FRMD8: variants seen among roughly 807,000 people sequenced by gnomAD.
FRMD8 encodes FERM domain containing 8, also known as FERM domain-containing protein 8.
A neutral mutation model predicts 54.2 loss-of-function variants in FRMD8; 37 were observed. The observed-to-expected ratio is 0.68, with a 90% CI of 0.53 to 0.90. The LOEUF is 0.90. Among genes scored for constraint, FRMD8 ranks in the 40% least tolerant of loss-of-function variants. The pLI is 0.00. For synonymous variants in FRMD8, 246 were observed against 286.9 expected, an observed-to-expected ratio of 0.86 and a Z score of 1.44; for missense variants, 585 against 653.7, an observed-to-expected ratio of 0.89 and a Z score of 1.15.
upstream of FRMD8, chr11:65,381,812 C>T (rs184560029): frequency 1.4e-4 from 207 of 1,446,158 alleles, 1 homozygote; most frequent in Admixed American, 1.5e-3. Context: ...CCCGCCAGGC[C>T]GGAACTCAGA....
chr11:65,382,528 A>ACTCCC (rs1855629326), upstream of FRMD8: 1 of 153,718 alleles, frequency 6.5e-6, no homozygotes, highest in Non-Finnish European at 1.4e-5. This position sits in a 1 kb window ranked among gnomAD's most constrained non-coding sequence, Gnocchi z 4.4. Context: ...GACTCCCCCG[A>ACTCCC]CTCCCCCGTG....
intron 10 of FRMD8, among the ~76,000 whole-genome samples, chr11:65,408,383 G>A (rs935190880): frequency 1.1e-4 from 16 of 151,822 alleles, no homozygotes; most frequent in African/African-American, 3.9e-4. Context: ...CCTAGAATAA[G>A]TTTTATAATC....
At chr11:65,379,688 G>T in the FRMD8 span, 1 of 1,252,104 alleles carries the variant, frequency 8.0e-7, no homozygotes, top group South Asian at 1.5e-5. Flanking sequence ...GTGGGGACAG[G>T]CAGGGATGGG....
At chr11:65,386,910 C>T (rs1318735807) in intron 1 of FRMD8, 127 bp from the exon 2 acceptor site, 2 of 811,492 alleles carry the variant, frequency 2.5e-6, no homozygotes, top group Non-Finnish European at 4.0e-6. Context: ...TTGGCCCCTC[C>T]AGGCAGCGCC....
the FRMD8 span, chr11:65,380,196 T>C: frequency 6.2e-7 from 1 of 1,614,120 alleles, no homozygotes. Flanking sequence ...AAGAGGGTGC[T>C]ATGAGTGAGG....
At chr11:65,374,080 G>A in the FRMD8 span, among the ~76,000 whole-genome samples, 1 of 152,162 alleles carries the variant, frequency 6.6e-6, no homozygotes, top group East Asian at 1.9e-4. Context: ...GGAGGCCAAG[G>A]CGGGTGGATC....
chr11:65,391,104 G>A (rs1176592141), intron 3 of FRMD8, among the ~76,000 whole-genome samples: 1 of 152,278 alleles, frequency 6.6e-6, no homozygotes, highest in African/African-American at 2.4e-5. Flanking sequence ...GCAGGGAGGG[G>A]CGCTGTCTTC....
chr11:65,408,302 G>T (rs983126794), intron 10 of FRMD8, among the ~76,000 whole-genome samples: 2 of 151,932 alleles, frequency 1.3e-5, no homozygotes, highest in African/African-American at 4.8e-5. Context: ...TCCAACTCCC[G>T]ACCTCAGGTG....
At chr11:65,393,706 G>T in intron 4 of FRMD8, 32 bp downstream of exon 4, 1 of 1,538,574 alleles carries the variant, frequency 6.5e-7, no homozygotes, top group African/African-American at 1.4e-5. Context: ...TCCTTGCCTC[G>T]GGACCACCTG....
chr11:65,391,996 T>C (rs1234319701), intron 3 of FRMD8, among the ~76,000 whole-genome samples: 2 of 152,176 alleles, frequency 1.3e-5, no homozygotes, highest in Non-Finnish European at 2.9e-5. Context: ...AGAGAGAGCA[T>C]GAGGACCCCA....
chr11:65,401,611 C>T (rs780026611), intron 9 of FRMD8, among the ~76,000 whole-genome samples: 19 of 150,604 alleles, frequency 1.3e-4, no homozygotes, highest in East Asian at 5.9e-4. Context: ...CTAGCCCCAT[C>T]GGCCTCTGCT....
At chr11:65,371,000 C>A in the FRMD8 span, among the ~76,000 whole-genome samples, 1 of 152,274 alleles carries the variant, frequency 6.6e-6, no homozygotes, top group East Asian at 1.9e-4. Context: ...TCTGAGGCAT[C>A]GGCCTGGGCT....
In FRMD8 at chr11:65,396,889, G is replaced by A; in HGVS notation, c.672G>A (p.Gly224=). 1.9e-6 allele frequency: 3 copies of A among 1,558,200 alleles called. No individual in the cohort carries two copies. The highest frequency in any genetic ancestry group is 2.6e-6 in the Non-Finnish European group (3 of 1,152,058). Residue 224 remains glycine (G), a synonymous_variant, in exon 7 of 11, where the codon GGG becomes GGA. Coordinates refer to ENST00000317568, the MANE Select transcript of FRMD8 (RefSeq NM_031904.5). ...TCCGGGGCCGTGGGGCCAGGGCCGG[G>A]CCGGGCGAGCAGGGCCTGCTGAACG... ...AALRGRGARA[G]PGEQGLLNAY...
chr11:65,400,631 G>GC lies in FRMD8; in HGVS notation c.928-92dup. 7.8e-7 allele frequency: 1 copy of GC among 1,276,090 alleles called. No individual in the cohort carries two copies. The highest frequency in any genetic ancestry group is 2.6e-5 in the East Asian group (1 of 38,632). 79.0% of individuals were successfully genotyped at this position (1,276,090 alleles called of 1,614,324 possible). A position where few individuals can be genotyped will look rare whatever the true frequency, so the allele number is the denominator to read the frequency against. The stretch of plus-strand genomic sequence containing the variant: ...CAAATGTAGACTCAGCCTTGGAGAG[G>GC]CACACACCCTGGCCAGGTGTCTGAG... On this transcript the variant is annotated intron_variant, in intron 8 of 10. Transcript: ENST00000317568. The surrounding 1 kb of genome is among the most constrained non-coding windows in gnomAD (Gnocchi z 4.3).
chr11:65,400,445 C>T lies in FRMD8; in HGVS notation c.928-279C>T, dbSNP rs764333264. Among the ~76,000 whole-genome samples, 11 of 152,198 alleles carry T rather than the reference C, an allele frequency of 7.2e-5. No individual in the cohort carries two copies. Among genetic ancestry groups the T allele is most frequent in the Non-Finnish European group, 1.5e-4 (10 of 68,032 alleles). ...ACGCCCGACCTCATAGAAGAGACTCCGCTTCCCCACCTGCCTCCTCCCCCA... is the reference window on the plus strand; with the variant it reads ...ACGCCCGACCTCATAGAAGAGACTCTGCTTCCCCACCTGCCTCCTCCCCCA... On this transcript the variant is annotated intron_variant, in intron 8 of 10. Coordinates refer to ENST00000317568, the MANE Select transcript of FRMD8 (RefSeq NM_031904.5). The surrounding 1 kb of genome is among the most constrained non-coding windows in gnomAD (Gnocchi z 4.3).
the FRMD8 span, chr11:65,376,222 C>T: frequency 6.0e-6 from 4 of 664,422 alleles, no homozygotes; most frequent in Non-Finnish European, 1.0e-5. Flanking sequence ...GGAGGCTGCA[C>T]AGGCCCCCTG....
intron 2 of FRMD8, 79 bp downstream of exon 2, chr11:65,387,200 T>G: frequency 1.8e-6 from 2 of 1,132,584 alleles, no homozygotes; most frequent in Non-Finnish European, 2.7e-6. Flanking sequence ...TTGTCTTCTT[T>G]TTCATTAAAG....
At chr11:65,405,837 C>T (rs924015219) in intron 10 of FRMD8, among the ~76,000 whole-genome samples, 2 of 151,774 alleles carry the variant, frequency 1.3e-5, no homozygotes, top group Non-Finnish European at 2.9e-5. Flanking sequence ...CCTGTCTCTA[C>T]AAAATATACT....
rs752125591 is a variant in FRMD8, at chr11:65,394,289, T to C, written c.445T>C (p.Tyr149His). 3 of 1,597,242 alleles carry C rather than the reference T, an allele frequency of 1.9e-6. No individual in the cohort carries two copies. The highest frequency in any genetic ancestry group is 2.6e-6 in the Non-Finnish European group (3 of 1,172,234). The change falls in exon 6 of 11, where the codon TAT (tyrosine) becomes CAT (histidine). Residue 149 changes from tyrosine to histidine, a missense_variant. Transcript: ENST00000317568. ...IHDEEVLRLL[Y>H]EEAKGNVLAA... Reference sequence around the variant, plus strand: ...TGACGAGGAGGTCCTGCGGCTGCTCTATGAGGAGGCCAAGGGCAACGTGCT... The same window carrying C: ...TGACGAGGAGGTCCTGCGGCTGCTCCATGAGGAGGCCAAGGGCAACGTGCT...
Sources: allele counts gnomAD v4.1 joint callset (sites outside exome capture counted in the v4.1 genomes callset), GRCh38; gene constraint gnomAD v4.1.1; non-coding constraint Gnocchi (gnomAD v3.1); transcripts MANE v1.5; gene names NCBI Gene and HGNC (gene_info 2026-07-23, HGNC 2026-07-21).